The following GSTCD variants were observed in gnomAD, a reference collection of about 807,000 sequenced individuals.
GSTCD encodes the protein glutathione S-transferase C-terminal domain-containing protein.
A neutral mutation model predicts 68.3 loss-of-function variants in GSTCD; 44 were observed. The ratio of observed to expected loss-of-function variants is 0.64; its 90% confidence interval spans 0.51 to 0.83. The LOEUF (loss-of-function observed/expected upper bound fraction) is 0.83. Among genes scored for constraint, GSTCD ranks in the 40% least tolerant of loss-of-function variants. GSTCD has a pLI of 0.00. For synonymous variants in GSTCD, 273 were observed against 255.2 expected, an observed-to-expected ratio of 1.07 and a Z score of -0.67; for missense variants, 739 against 735.9, an observed-to-expected ratio of 1.00 and a Z score of -0.05.
intron 7 of GSTCD, among the ~76,000 whole-genome samples, 183 bp from the exon 8 acceptor site, chr4:105,825,489 A>G (rs1578513652): frequency 6.6e-6 from 1 of 152,184 alleles, no homozygotes; most frequent in Non-Finnish European, 1.5e-5. Context: ...CTATATCACT[A>G]TAGTTCAAAG....
At chr4:105,818,237 TG>T (rs1379627814) in intron 5 of GSTCD, among the ~76,000 whole-genome samples, 1 of 151,856 alleles carries the variant, frequency 6.6e-6, no homozygotes, top group Non-Finnish European at 1.5e-5. Context: ...TTTGTTATTT[TG>T]GGTAGTAACA....
chr4:105,722,714 T>C lies in GSTCD; in HGVS notation c.894+3187T>C, dbSNP rs1732911000. Reference sequence around the variant, plus strand: ...ATTAACTACAGAGTTACTAAAATTTTATTTTTGCTTTGATAGCTATGCTTT... The same window carrying C: ...ATTAACTACAGAGTTACTAAAATTTCATTTTTGCTTTGATAGCTATGCTTT... On this transcript the variant is annotated intron_variant, in intron 3 of 11. Coordinates refer to ENST00000515279, the MANE Select transcript of GSTCD (RefSeq NM_001370181.1). Among the ~76,000 whole-genome samples the C allele has an allele frequency of 1.3e-5, 2 of 151,992 alleles. 1 individual carries two copies. Among genetic ancestry groups the C allele is most frequent in the South Asian group, 4.1e-4 (2 of 4,834 alleles).
chr4:105,799,814 CAA>C (rs5860815), intron 5 of GSTCD, among the ~76,000 whole-genome samples: 7,997 of 116,374 alleles, frequency 0.069, 226 homozygotes, highest in Middle Eastern at 0.17. Flanking sequence ...CACAGCGTTG[CAA>C]AAAAAAAAAA....
Position 105,717,859 on chromosome 4 carries a change from A to C in GSTCD, c.246A>C (p.Pro82=). ...AGATTATTTCAAGGCAGGAGCTCCCACCAATAGTCCAAAATTGCTGTTTGC... is the reference window on the plus strand; with the variant it reads ...AGATTATTTCAAGGCAGGAGCTCCCCCCAATAGTCCAAAATTGCTGTTTGC... ...EIQIISRQEL[P]PIVQNCCLPA... The change falls in exon 2 of 12, where the codon CCA becomes CCC. Residue 82 remains proline (P), a synonymous_variant. Transcript: ENST00000515279. 1 of 1,614,142 alleles carries C rather than the reference A, an allele frequency of 6.2e-7. No individual in the cohort carries two copies. Among genetic ancestry groups the C allele is most frequent in the South Asian group, 1.1e-5 (1 of 91,082 alleles).
chr4:105,743,260 T>C (rs1733695778), intron 5 of GSTCD, among the ~76,000 whole-genome samples: 1 of 152,158 alleles, frequency 6.6e-6, no homozygotes, highest in South Asian at 2.1e-4. Context: ...TGTAATTTCT[T>C]ATACTTTGTA....
At chr4:105,837,592 G>A (rs1044178029) in intron 9 of GSTCD, among the ~76,000 whole-genome samples, 16 of 152,120 alleles carry the variant, frequency 1.1e-4, no homozygotes, top group Non-Finnish European at 2.2e-4. Flanking sequence ...CTGGATCTTA[G>A]TGTTCCCATG....
At chr4:105,834,334 A>G in intron 8 of GSTCD, 127 bp from the exon 9 acceptor site, 3 of 714,426 alleles carry the variant, frequency 4.2e-6, no homozygotes, top group Non-Finnish European at 6.7e-6. Flanking sequence ...CTTAGTTTTC[A>G]TAATTAATTG....
intron 5 of GSTCD, among the ~76,000 whole-genome samples, chr4:105,794,844 T>G (rs1219191170): frequency 2.8e-5 from 1 of 36,166 alleles, no homozygotes; most frequent in Non-Finnish European, 5.6e-5. Flanking sequence ...TCTATTTATC[T>G]ATCTATCTAT....
At chr4:105,789,219 CAG>C (rs1487718105) in intron 5 of GSTCD, among the ~76,000 whole-genome samples, 1 of 152,106 alleles carries the variant, frequency 6.6e-6, no homozygotes, top group East Asian at 1.9e-4. Flanking sequence ...CTTTATATAA[CAG>C]AAAAGGAAAC....
chr4:105,787,738 A>G (rs1735517949), intron 5 of GSTCD, among the ~76,000 whole-genome samples: 1 of 152,100 alleles, frequency 6.6e-6, no homozygotes, highest in African/African-American at 2.4e-5. Flanking sequence ...GCTAATGAGA[A>G]GCATTCAATA....
chr4:105,731,776 T>C (rs1281152628), intron 5 of GSTCD, among the ~76,000 whole-genome samples: 1 of 152,204 alleles, frequency 6.6e-6, no homozygotes, highest in African/African-American at 2.4e-5. Flanking sequence ...GTGCCAGTTT[T>C]CAAAGGGAAT....
intron 5 of GSTCD, among the ~76,000 whole-genome samples, chr4:105,806,848 A>G (rs945904611): frequency 6.6e-6 from 1 of 152,066 alleles, no homozygotes; most frequent in East Asian, 1.9e-4. Flanking sequence ...TCCTATTCCC[A>G]TTTAAGCCCA....
chr4:105,795,336 C>A (rs1735841761), intron 5 of GSTCD, among the ~76,000 whole-genome samples: 1 of 66,020 alleles, frequency 1.5e-5, no homozygotes, highest in Admixed American at 1.4e-4. Context: ...TCTCCTTGTT[C>A]TTCATTTCTT....
intron 1 of GSTCD, among the ~76,000 whole-genome samples, chr4:105,715,943 T>C (rs1442959173): frequency 6.6e-6 from 1 of 152,086 alleles, no homozygotes; most frequent in Non-Finnish European, 1.5e-5. Flanking sequence ...CCGGGAAATG[T>C]ATAAACATAA....
At chr4:105,837,747 G>A (rs1266381548) in intron 9 of GSTCD, 112 bp from the exon 10 acceptor site, 15 of 512,678 alleles carry the variant, frequency 2.9e-5, no homozygotes, top group Non-Finnish European at 4.6e-5. Flanking sequence ...CTTCACCATA[G>A]CATTTTATGC....
At chr4:105,709,736 T>G (rs1028449456) in intron 1 of GSTCD, among the ~76,000 whole-genome samples, 1 of 152,134 alleles carries the variant, frequency 6.6e-6, no homozygotes, top group Non-Finnish European at 1.5e-5. Flanking sequence ...ATGCCAGCTT[T>G]AGTAATATAT....
At chr4:105,816,148 T>A (rs889806217) in intron 5 of GSTCD, among the ~76,000 whole-genome samples, 1 of 152,162 alleles carries the variant, frequency 6.6e-6, no homozygotes, top group Non-Finnish European at 1.5e-5. Context: ...CTTTTGTCCC[T>A]CAACCCAACA....
chr4:105,714,324 G>A (rs1578403336), intron 1 of GSTCD, among the ~76,000 whole-genome samples: 1 of 152,134 alleles, frequency 6.6e-6, no homozygotes, highest in African/African-American at 2.4e-5. Flanking sequence ...TGGCAGGAAT[G>A]TAATATGGAG....
intron 5 of GSTCD, among the ~76,000 whole-genome samples, chr4:105,791,751 G>A (rs1014105799): frequency 6.6e-6 from 1 of 151,060 alleles, no homozygotes; most frequent in Admixed American, 6.6e-5. Flanking sequence ...AAACACACTA[G>A]GTACTTAAAA....
Sources: allele counts gnomAD v4.1 joint callset (sites outside exome capture counted in the v4.1 genomes callset), GRCh38; gene constraint gnomAD v4.1.1; transcripts MANE v1.5; gene names NCBI Gene and HGNC (gene_info 2026-07-23, HGNC 2026-07-21).